The following TBC1D5 variants were observed in gnomAD, a reference collection of about 807,000 sequenced individuals.
TBC1D5 encodes TBC1 domain family member 5.
Under a neutral mutation model 100.3 loss-of-function variants are expected in TBC1D5, and 75 were observed. That is an observed-to-expected ratio of 0.75 (90% CI 0.62 to 0.91). TBC1D5 has a LOEUF of 0.91. Ranked by LOEUF, TBC1D5 falls within the 40% of genes least tolerant of loss-of-function variation. The pLI, the probability that TBC1D5 is intolerant of heterozygous loss-of-function variation, is 0.00. For missense variants in TBC1D5, 910 were observed against 942.4 expected (o/e 0.97, Z 0.45); for synonymous variants, 323 against 325.6 (o/e 0.99, Z 0.09).
chr3:17,385,896 G>C (rs1210044476), intron 8 of TBC1D5, among the ~76,000 whole-genome samples: 1 of 152,152 alleles, frequency 6.6e-6, no homozygotes, highest in Middle Eastern at 3.4e-3. Flanking sequence ...GTAACCTGAA[G>C]AGTAAGCATA....
chr3:17,172,715 T>C (rs1378492373), intron 19 of TBC1D5, among the ~76,000 whole-genome samples: 1 of 152,234 alleles, frequency 6.6e-6, no homozygotes, highest in African/African-American at 2.4e-5. Context: ...GCCACAAAAA[T>C]AGATCTCGAA....
chr3:17,602,123 G>T (rs1001243757), intron 2 of TBC1D5, among the ~76,000 whole-genome samples: 1 of 152,114 alleles, frequency 6.6e-6, no homozygotes, highest in South Asian at 2.1e-4. Flanking sequence ...AAGCCATTGC[G>T]CCCGGCCAAT....
intron 13 of TBC1D5, among the ~76,000 whole-genome samples, chr3:17,352,683 C>CA (rs1363926293): frequency 0.061 from 5,826 of 94,740 alleles, 228 homozygotes; most frequent in Middle Eastern, 0.1. Context: ...AAGCAAAAGG[C>CA]AAAAAAAAAA....
chr3:17,234,968 G>A (rs1269028358), intron 17 of TBC1D5, among the ~76,000 whole-genome samples: 1 of 152,078 alleles, frequency 6.6e-6, no homozygotes, highest in Non-Finnish European at 1.5e-5. Context: ...AGCTTTTAGT[G>A]GAAATGGGCC....
At chr3:17,411,872 T>TTAAATTAGA (rs1309689615) in intron 4 of TBC1D5, among the ~76,000 whole-genome samples, 4 of 152,186 alleles carry the variant, frequency 2.6e-5, no homozygotes, top group African/African-American at 9.6e-5. Flanking sequence ...TATTCATGGG[T>TTAAATTAGA]ACTTACAGTT....
At chr3:17,628,087 C>A (rs371568865) in intron 1 of TBC1D5, among the ~76,000 whole-genome samples, 2 of 151,842 alleles carry the variant, frequency 1.3e-5, no homozygotes, top group African/African-American at 4.8e-5. Flanking sequence ...ACACACACTC[C>A]GCCGGGTGTG....
At chr3:17,521,122 A>G (rs2096059341) in intron 2 of TBC1D5, among the ~76,000 whole-genome samples, 1 of 152,256 alleles carries the variant, frequency 6.6e-6, no homozygotes, top group South Asian at 2.1e-4. Flanking sequence ...CATATGGCAG[A>G]AAAATCAAAT....
intron 2 of TBC1D5, among the ~76,000 whole-genome samples, chr3:17,579,086 T>G (rs920860806): frequency 6.6e-6 from 1 of 152,048 alleles, no homozygotes; most frequent in African/African-American, 2.4e-5. Context: ...GCACATACTT[T>G]TAAGAATTGA....
chr3:17,542,724 T>G (rs1385108597), intron 2 of TBC1D5, among the ~76,000 whole-genome samples: 2 of 152,234 alleles, frequency 1.3e-5, no homozygotes, highest in African/African-American at 2.4e-5. Context: ...GATCATGTGC[T>G]TTTTTCCCTT....
At chr3:17,249,089 T>C (rs1360513003) in intron 16 of TBC1D5, among the ~76,000 whole-genome samples, 3 of 152,242 alleles carry the variant, frequency 2.0e-5, no homozygotes, top group African/African-American at 7.2e-5. Flanking sequence ...GATTAGGTTT[T>C]GGCATAAGGG....
chr3:17,220,085 A>G (rs1032879879), intron 17 of TBC1D5, among the ~76,000 whole-genome samples: 1 of 152,170 alleles, frequency 6.6e-6, no homozygotes, highest in Non-Finnish European at 1.5e-5. Context: ...TCTAATGTTT[A>G]GCTGTTCCAA....
chr3:17,541,223 TTTTGACAGGGATGCACCAAATCTGTAGA>T (rs1339678098), intron 2 of TBC1D5, among the ~76,000 whole-genome samples: 1 of 151,498 alleles, frequency 6.6e-6, no homozygotes, highest in East Asian at 1.9e-4. Flanking sequence ...GTCATTGGGA[TTTTGACAGGGATGCACCAAATCTGTAGA>T]TTGCTTTGGG....
intron 16 of TBC1D5, among the ~76,000 whole-genome samples, chr3:17,240,961 A>G (rs1023482284): frequency 1.3e-5 from 2 of 152,194 alleles, no homozygotes; most frequent in African/African-American, 2.4e-5. Context: ...GCAATTTTTC[A>G]TCTGAATAGC....
chr3:17,299,858 CAAAAAA>C (rs10590475), intron 14 of TBC1D5, among the ~76,000 whole-genome samples: 2 of 48,590 alleles, frequency 4.1e-5, no homozygotes, highest in African/African-American at 7.5e-5. Flanking sequence ...GACTCCGTCT[CAAAAAA>C]AAAAAAAAAA....
intron 1 of TBC1D5, among the ~76,000 whole-genome samples, chr3:17,666,511 A>C (rs896503780): frequency 6.6e-6 from 1 of 152,186 alleles, no homozygotes; most frequent in Non-Finnish European, 1.5e-5. Flanking sequence ...ATAATTCATT[A>C]ATTTTTGCAA....
intron 10 of TBC1D5, among the ~76,000 whole-genome samples, chr3:17,375,763 G>A (rs978484490): frequency 9.9e-5 from 15 of 151,858 alleles, no homozygotes; most frequent in African/African-American, 3.6e-4. Flanking sequence ...ATTTAACAAA[G>A]GCCTGAATAT....
intron 2 of TBC1D5, among the ~76,000 whole-genome samples, chr3:17,590,818 G>C (rs1433455274): frequency 6.6e-6 from 1 of 152,114 alleles, no homozygotes; most frequent in East Asian, 1.9e-4. Context: ...GTAGAGCTTT[G>C]GCATTGACTA....
At chr3:17,349,635 TA>T (rs1482133091) in intron 13 of TBC1D5, among the ~76,000 whole-genome samples, 1 of 152,138 alleles carries the variant, frequency 6.6e-6, no homozygotes, top group Non-Finnish European at 1.5e-5. Context: ...TTCCTAAAAA[TA>T]AATAAGGGCA....
At chr3:17,374,059 G>C (rs1422478262) in intron 12 of TBC1D5, among the ~76,000 whole-genome samples, 2 of 152,102 alleles carry the variant, frequency 1.3e-5, no homozygotes, top group Non-Finnish European at 2.9e-5. Flanking sequence ...GGAAGAGTAA[G>C]AGTAAGGGAT....
Sources: gnomAD v4.1 joint callset for allele counts (sites outside exome capture counted in the v4.1 genomes callset) on GRCh38, gnomAD v4.1.1 for gene constraint, MANE v1.5 for transcripts, NCBI Gene and HGNC (gene_info 2026-07-23, HGNC 2026-07-21) for gene names.